The following CCDC73 variants were observed in gnomAD, a reference collection of about 807,000 sequenced individuals.
CCDC73 encodes the protein coiled-coil domain-containing protein 73.
Under a neutral mutation model 116.5 loss-of-function variants are expected in CCDC73, and 95 were observed. The ratio of observed to expected loss-of-function variants is 0.82; its 90% CI spans 0.69 to 0.97. The LOEUF is 0.97. Ranked by LOEUF, CCDC73 falls within the 50% of genes least tolerant of loss-of-function variation. The pLI, the probability that CCDC73 is intolerant of heterozygous loss-of-function variation, is 0.00. For synonymous variants in CCDC73, 398 were observed against 401.3 expected, an observed-to-expected ratio of 0.99 and a Z score of 0.10; for missense variants, 1,066 against 1,206.8, an observed-to-expected ratio of 0.88 and a Z score of 1.73.
At chr11:32,622,143 C>T (rs1396202682) in intron 14 of CCDC73, among the ~76,000 whole-genome samples, 1 of 152,186 alleles carries the variant, frequency 6.6e-6, no homozygotes, top group East Asian at 1.9e-4. Context: ...CCATTTGACT[C>T]AGCAATTCCA....
chr11:32,698,010 A>ATTTTTTTTTTTTTTTT lies in CCDC73; in HGVS notation c.390+1240_390+1241insAAAAAAAAAAAAAAAA, dbSNP rs1849771437. On this transcript the variant is annotated intron_variant, in intron 6 of 17. Coordinates refer to ENST00000335185, the MANE Select transcript of CCDC73 (RefSeq NM_001008391.4). Reference sequence around the variant, plus strand: ...TCTGTTGTTTCTTTGTCTAACACTGAATTTTTTTTTTTTTTTTTTTTTTTT... The same window carrying ATTTTTTTTTTTTTTTT: ...TCTGTTGTTTCTTTGTCTAACACTGATTTTTTTTTTTTTTTTATTTTTTTTTTTTTTTTTTTTTTTT... Among the ~76,000 whole-genome samples, 4 of 117,758 alleles carry ATTTTTTTTTTTTTTTT rather than the reference A, an allele frequency of 3.4e-5. 2 individuals carry two copies. The highest frequency in any genetic ancestry group is 3.4e-5 in the Non-Finnish European group (2 of 58,050). The allele number at this position is 117,758 out of a possible 152,430, so 77.3% of individuals were successfully genotyped here. A position where few individuals can be genotyped will look rare whatever the true frequency, so the allele number is the denominator to read the frequency against.
At chr11:32,791,989 C>CAT (rs761057908) in intron 1 of CCDC73, among the ~76,000 whole-genome samples, 1 of 95,970 alleles carries the variant, frequency 1.0e-5, no homozygotes, top group African/African-American at 3.5e-5. Flanking sequence ...CACACACACA[C>CAT]ATACACACAC....
chr11:32,774,818 T>C (rs1477668848), intron 1 of CCDC73, among the ~76,000 whole-genome samples: 1 of 152,162 alleles, frequency 6.6e-6, no homozygotes, highest in Non-Finnish European at 1.5e-5. Flanking sequence ...ACAATGCAAG[T>C]ACTTCAGGAT....
At chr11:32,745,174 T>C (rs983419082) in intron 2 of CCDC73, among the ~76,000 whole-genome samples, 2 of 152,232 alleles carry the variant, frequency 1.3e-5, no homozygotes, top group African/African-American at 4.8e-5. Flanking sequence ...CCAGTAGTCA[T>C]TCAGGAGCAG....
chr11:32,817,113 T>C, the CCDC73 span, among the ~76,000 whole-genome samples: 1 of 152,212 alleles, frequency 6.6e-6, no homozygotes, highest in African/African-American at 2.4e-5. Flanking sequence ...GTGAGTTCTC[T>C]ATGGTGAATG....
rs567371876 is a variant in CCDC73 at position 32,700,049 on chromosome 11, T to G, written c.316-724A>C. ...TACAATTATCATGAAATAGAATGTC[T>G]TATTATAATGACAAATCATTTTATC... is the stretch of plus-strand genomic sequence containing the variant. On this transcript the variant is annotated intron_variant, in intron 5 of 17. Coordinates refer to ENST00000335185, the MANE Select transcript of CCDC73 (RefSeq NM_001008391.4). Among the ~76,000 whole-genome samples the G allele has an allele frequency of 9.9e-5, 15 of 151,836 alleles. No individual in the cohort carries two copies. In the East Asian group the frequency reaches 2.5e-3, roughly 25 times the overall value.
intron 2 of CCDC73, among the ~76,000 whole-genome samples, chr11:32,724,569 AACTT>A (rs1284907062): frequency 1.9e-5 from 2 of 108,098 alleles, no homozygotes; most frequent in Non-Finnish European, 3.9e-5. Context: ...TAAAACTTTC[AACTT>A]ACTTCCGATT....
intron 1 of CCDC73, among the ~76,000 whole-genome samples, chr11:32,791,976 CCACACA>C (rs901643135): frequency 8.1e-6 from 1 of 123,084 alleles, no homozygotes; most frequent in Non-Finnish European, 1.7e-5. Context: ...AAAAAAAAAA[CCACACA>C]CACACACATA....
chr11:32,627,633 T>C (rs1370121292), intron 14 of CCDC73, among the ~76,000 whole-genome samples: 2 of 152,168 alleles, frequency 1.3e-5, no homozygotes, highest in African/African-American at 4.8e-5. Flanking sequence ...TGGAATACTA[T>C]GCAGCCATAA....
At chr11:32,807,528 C>G in the CCDC73 span, among the ~76,000 whole-genome samples, 33,917 of 151,932 alleles carry the variant, frequency 0.22, 4,522 homozygotes, top group East Asian at 0.67. Flanking sequence ...TGGCCCAGGA[C>G]AGCTTTGAAT....
chr11:32,717,559 T>G (rs562216568), intron 3 of CCDC73, among the ~76,000 whole-genome samples: 1 of 152,330 alleles, frequency 6.6e-6, no homozygotes, highest in South Asian at 2.1e-4. Flanking sequence ...ACAGTTTTAG[T>G]TGGGATTTTC....
intron 9 of CCDC73, among the ~76,000 whole-genome samples, chr11:32,665,476 G>C (rs943917058): frequency 6.6e-6 from 1 of 152,236 alleles, no homozygotes; most frequent in South Asian, 2.1e-4. Context: ...GACTCGGATT[G>C]CAACCCCTGT....
intron 13 of CCDC73, among the ~76,000 whole-genome samples, chr11:32,641,033 A>C (rs1855728673): frequency 6.6e-6 from 1 of 151,964 alleles, no homozygotes; most frequent in African/African-American, 2.4e-5. Flanking sequence ...AAAAAAAGAA[A>C]AGAAAAGAAA....
At chr11:32,657,085 C>T (rs936589368) in intron 9 of CCDC73, among the ~76,000 whole-genome samples, 14 of 151,956 alleles carry the variant, frequency 9.2e-5, no homozygotes, top group African/African-American at 3.4e-4. Context: ...AGAGAAGAAG[C>T]CAGTATATAA....
At chr11:32,644,412 C>T (rs1460107847) in intron 12 of CCDC73, among the ~76,000 whole-genome samples, 1 of 151,956 alleles carries the variant, frequency 6.6e-6, no homozygotes, top group Admixed American at 6.6e-5. Flanking sequence ...GTACACCAAA[C>T]CTATGTGAGA....
At chr11:32,728,488 C>A (rs1197880540) in intron 2 of CCDC73, among the ~76,000 whole-genome samples, 1 of 151,954 alleles carries the variant, frequency 6.6e-6, no homozygotes, top group Non-Finnish European at 1.5e-5. Context: ...GGTCATGTCT[C>A]CTGGTTCCTT....
At chr11:32,693,096 T>G (rs1388115145) in intron 6 of CCDC73, among the ~76,000 whole-genome samples, 1 of 152,218 alleles carries the variant, frequency 6.6e-6, no homozygotes, top group Non-Finnish European at 1.5e-5. Context: ...GTGTTCTGTG[T>G]TGGAATTCAG....
intron 1 of CCDC73, among the ~76,000 whole-genome samples, chr11:32,780,843 A>G (rs1190483533): frequency 2.6e-5 from 4 of 152,234 alleles, no homozygotes; most frequent in Non-Finnish European, 5.9e-5. Flanking sequence ...CCAAGGATAT[A>G]CAGGAAGGTG....
At chr11:32,671,398 CAAAA>C (rs58075036) in intron 9 of CCDC73, among the ~76,000 whole-genome samples, 6 of 122,406 alleles carry the variant, frequency 4.9e-5, no homozygotes, top group Non-Finnish European at 3.5e-5. Context: ...AACTTTGCTC[CAAAA>C]AAAAAAAAAA....
Sources: allele counts gnomAD v4.1 joint callset (sites outside exome capture counted in the v4.1 genomes callset), GRCh38; gene constraint gnomAD v4.1.1; transcripts MANE v1.5; gene names NCBI Gene and HGNC (gene_info 2026-07-23, HGNC 2026-07-21).